XRCC6: variants seen among roughly 807,000 people sequenced by gnomAD.
XRCC6 encodes the protein DNA repair protein Ku70.
Under a neutral mutation model 65.7 loss-of-function variants are expected in XRCC6, and 5 were observed. The ratio of observed to expected loss-of-function variants is 0.08; its 90% CI spans 0.04 to 0.16. The LOEUF is 0.16. Among genes scored for constraint, XRCC6 ranks in the 10% least tolerant of loss-of-function variants. The pLI, the probability that XRCC6 is intolerant of heterozygous loss-of-function variation, is 1.00. For synonymous variants in XRCC6, 270 were observed against 270.6 expected (o/e 1.00, Z 0.02); for missense variants, 447 against 738.1 (o/e 0.61, Z 4.57).
At chr22:41,650,091 C>T (rs1467474086) in intron 7 of XRCC6, among the ~76,000 whole-genome samples, 1 of 150,928 alleles carries the variant, frequency 6.6e-6, no homozygotes, top group African/African-American at 2.5e-5. Context: ...GCTGACAGGT[C>T]AGTACATTTT....
chr22:41,648,784 C>T (rs139901055), intron 7 of XRCC6, among the ~76,000 whole-genome samples: 3 of 152,120 alleles, frequency 2.0e-5, no homozygotes, highest in South Asian at 2.1e-4. Context: ...TTTTCTTTTC[C>T]ATTTTGGAAG....
intron 5 of XRCC6, among the ~76,000 whole-genome samples, chr22:41,636,971 A>T (rs985851985): frequency 6.6e-6 from 1 of 152,090 alleles, no homozygotes; most frequent in Non-Finnish European, 1.5e-5. Flanking sequence ...CATTTAGAAT[A>T]AAATAAAAAA....
intron 11 of XRCC6, among the ~76,000 whole-genome samples, chr22:41,659,752 T>G (rs1199629405): frequency 6.6e-6 from 1 of 151,900 alleles, no homozygotes; most frequent in Non-Finnish European, 1.5e-5. Context: ...TGGTGGGATC[T>G]CGGCTCACTG....
chr22:41,624,396 T>A (rs1479940780), intron 2 of XRCC6, among the ~76,000 whole-genome samples: 1 of 139,610 alleles, frequency 7.2e-6, no homozygotes, highest in African/African-American at 2.7e-5. Context: ...TCAAAAAAAA[T>A]AAAATAGGGG....
chr22:41,639,340 T>TTTTTTC (rs2067848615), intron 6 of XRCC6, among the ~76,000 whole-genome samples: 1 of 121,136 alleles, frequency 8.3e-6, no homozygotes, highest in Non-Finnish European at 1.8e-5. Flanking sequence ...TTTTTTTTTT[T>TTTTTTC]TTTTTTTTTT....
Position 41,629,573 on chromosome 22 carries a change from A to G in XRCC6, c.195+1343A>G, listed in dbSNP as rs28741118. Among the ~76,000 whole-genome samples the G allele has an allele frequency of 4.9e-3, 747 of 152,286 alleles. 8 individuals carry two copies. Among genetic ancestry groups the G allele is most frequent in the African/African-American group, 0.016 (653 of 41,584 alleles). ...AACAGGGAGCAACTGCTCAATGGGT[A>G]TGGGGTTTGCTTTTGGGGTGATGAA... On this transcript the variant is annotated intron_variant, in intron 3 of 12. Transcript: ENST00000360079.
chr22:41,651,794 A>T (rs2068001373), intron 8 of XRCC6, among the ~76,000 whole-genome samples: 1 of 141,806 alleles, frequency 7.1e-6, no homozygotes, highest in Non-Finnish European at 1.5e-5. Flanking sequence ...ATTTATATTT[A>T]TATTTTTATT....
intron 9 of XRCC6, among the ~76,000 whole-genome samples, chr22:41,654,179 C>G (rs966042045): frequency 6.6e-6 from 1 of 152,180 alleles, no homozygotes; most frequent in Non-Finnish European, 1.5e-5. Context: ...TTGGGCCCAT[C>G]TCTGCTGCTT....
intron 9 of XRCC6, among the ~76,000 whole-genome samples, chr22:41,655,454 T>A (rs1326306597): frequency 2.0e-5 from 3 of 150,880 alleles, no homozygotes; most frequent in Non-Finnish European, 4.4e-5. Flanking sequence ...ACGCCTGTAA[T>A]CCCAGCACTT....
Position 41,657,009 on chromosome 22 carries a change from T to C in XRCC6, c.1398T>C (p.Val466=). 6.3e-7 allele frequency: 1 copy of C among 1,595,506 alleles called. No individual in the cohort carries two copies. Among genetic ancestry groups the C allele is most frequent in the South Asian group, 1.1e-5 (1 of 87,700 alleles). ...AGGTGGGCAAGATGAAGGCTATCGTTGAGAAGCTTCGCTTCACATACAGGT... is the reference window on the plus strand; with the variant it reads ...AGGTGGGCAAGATGAAGGCTATCGTCGAGAAGCTTCGCTTCACATACAGGT... ...PEQVGKMKAI[V]EKLRFTYRSD... Residue 466 remains valine (V), a synonymous_variant, in exon 10 of 13, where the codon GTT becomes GTC. Coordinates refer to ENST00000360079, the MANE Select transcript of XRCC6 (RefSeq NM_001469.5).
At position 41,626,631 on chromosome 22, in the gene XRCC6, G is replaced by GTTTTT. The variant is rs921225213; in HGVS notation, c.83-1480_83-1476dup. ...CACCACACCTGGCTAATGTTTGTTT[G>GTTTTT]TTTTTTTTTTTGTTTTTTTTTTTTG... On this transcript the variant is annotated intron_variant, in intron 2 of 12. Transcript: ENST00000360079. Among the ~76,000 whole-genome samples the GTTTTT allele has an allele frequency of 1.2e-3, 130 of 111,480 alleles. 1 individual carries two copies. The highest frequency in any genetic ancestry group is 4.8e-3 in the Middle Eastern group (1 of 208). The allele number at this position is 111,480 out of a possible 152,430, so 73.1% of individuals were successfully genotyped here. A position where few individuals can be genotyped will look rare whatever the true frequency, so the allele number is the denominator to read the frequency against.
intron 8 of XRCC6, 81 bp downstream of exon 8, chr22:41,650,972 T>C: frequency 1.3e-6 from 2 of 1,533,078 alleles, no homozygotes; most frequent in South Asian, 1.2e-5. Flanking sequence ...GGGCACTGCT[T>C]GGACACTGTA....
chr22:41,634,546 C>CT lies in XRCC6; in HGVS notation c.196-1551dup, dbSNP rs11322023. Among the ~76,000 whole-genome samples the CT allele has an allele frequency of 4.1e-3, 509 of 123,450 alleles. 3 individuals carry two copies. The highest frequency in any genetic ancestry group is 0.017 in the Middle Eastern group (3 of 180). The allele number at this position is 123,450 out of a possible 152,430, so 81.0% of individuals were successfully genotyped here. A position where few individuals can be genotyped will look rare whatever the true frequency, so the allele number is the denominator to read the frequency against. ...TAGGCCCCTAGAACTGATGAACTCTCTTTTTTTTTTTTTTTTGAGATGGAG... is the reference window on the plus strand; with the variant it reads ...TAGGCCCCTAGAACTGATGAACTCTCTTTTTTTTTTTTTTTTTGAGATGGAG... On this transcript the variant is annotated intron_variant, in intron 3 of 12. Transcript: ENST00000360079.
chr22:41,639,339 T>TTTTTTC (rs2067848568), intron 6 of XRCC6, among the ~76,000 whole-genome samples: 2 of 118,852 alleles, frequency 1.7e-5, no homozygotes, highest in African/African-American at 3.1e-5. Flanking sequence ...CTTTTTTTTT[T>TTTTTTC]TTTTTTTTTT....
chr22:41,621,557 G>A (rs947889320), intron 1 of XRCC6: 2 of 169,096 alleles, frequency 1.2e-5, no homozygotes, highest in Non-Finnish European at 2.6e-5. Context: ...CTGCGTTTGA[G>A]GCCCGCCTGC....
intron 7 of XRCC6, among the ~76,000 whole-genome samples, chr22:41,649,137 AAAATATAT>A (rs1216872780): frequency 2.7e-4 from 25 of 92,892 alleles, no homozygotes; most frequent in Non-Finnish European, 3.8e-4. Flanking sequence ...AAAAAAAAAA[AAAATATAT>A]ATATATATAT....
chr22:41,636,248 C>G lies in XRCC6; in HGVS notation c.331C>G (p.Pro111Ala), dbSNP rs1227053698. The change falls in exon 4 of 13, where the codon CCA becomes GCA. Residue 111 changes from proline to alanine, a missense_variant. Around this residue, in one of 4 missense-constraint regions of XRCC6, gnomAD observed 228 missense variants for 307.4 expected, o/e 0.74. Coordinates refer to ENST00000360079, the MANE Select transcript of XRCC6 (RefSeq NM_001469.5). ...TTACGTCTTACAGGAGCTGGATAAT[C>G]CAGGTCAGTAATATTTTAAGATCAG... ...NIYVLQELDN[P>A]GAKRILELDQ... 6.3e-7 allele frequency: 1 copy of G among 1,585,324 alleles called. No homozygotes were observed. Among genetic ancestry groups the G allele is most frequent in the South Asian group, 1.2e-5 (1 of 85,946 alleles).
chr22:41,632,066 G>A (rs368557500), intron 3 of XRCC6, among the ~76,000 whole-genome samples: 6 of 152,046 alleles, frequency 3.9e-5, no homozygotes, highest in South Asian at 4.2e-4. Flanking sequence ...GCAGTGAGCC[G>A]AGATGGCAGC....
chr22:41,634,186 A>AT (rs757276375), intron 3 of XRCC6, among the ~76,000 whole-genome samples: 3,105 of 140,416 alleles, frequency 0.022, 51 homozygotes, highest in African/African-American at 0.048. Flanking sequence ...CCAAAACTTA[A>AT]TTTTTTTTTT....
Sources: gnomAD v4.1 joint callset for allele counts (sites outside exome capture counted in the v4.1 genomes callset) on GRCh38, gnomAD v4.1.1 for gene constraint, gnomAD v4.1.1 regional missense constraint, MANE v1.5 for transcripts, NCBI Gene and HGNC (gene_info 2026-07-23, HGNC 2026-07-21) for gene names.